IL12RB2: variants seen among roughly 807,000 people sequenced by gnomAD.
The protein encoded by IL12RB2 is interleukin-12 receptor subunit beta-2.
In IL12RB2, 82 loss-of-function variants were observed where a neutral mutation model predicts 89.4. That is an observed-to-expected ratio of 0.92 (90% CI 0.77 to 1.10). The LOEUF is 1.10. Among genes scored for constraint, IL12RB2 ranks in the 50% least tolerant of loss-of-function variants. The pLI, the probability that IL12RB2 is intolerant of heterozygous loss-of-function variation, is 0.00. For missense variants in IL12RB2, 963 were observed against 1,031.9 expected (o/e 0.93, Z 0.92); for synonymous variants, 368 against 370.1 (o/e 0.99, Z 0.07).
At chr1:67,374,076 A>T (rs17129911) in intron 13 of IL12RB2, among the ~76,000 whole-genome samples, 7,047 of 152,198 alleles carry the variant, frequency 0.046, 224 homozygotes, top group Admixed American at 0.07. Context: ...AAAACAATTG[A>T]TGCATGTACA....
intron 9 of IL12RB2, among the ~76,000 whole-genome samples, chr1:67,341,350 C>A (rs1659502332): frequency 6.6e-6 from 1 of 151,216 alleles, no homozygotes; most frequent in Non-Finnish European, 1.5e-5. Flanking sequence ...ACCCGGGAGG[C>A]AGAGGTTGCA....
intron 11 of IL12RB2, among the ~76,000 whole-genome samples, chr1:67,371,479 A>G (rs996294854): frequency 3.3e-5 from 5 of 151,254 alleles, no homozygotes; most frequent in African/African-American, 1.2e-4. Context: ...ACCTATCGGC[A>G]GGGCATTAAT....
At chr1:67,341,491 G>GAGAAAGAGAAAGAAAGAGAAAA (rs143813418) in intron 9 of IL12RB2, among the ~76,000 whole-genome samples, 1 of 39,836 alleles carries the variant, frequency 2.5e-5, no homozygotes, top group Admixed American at 3.3e-4. Flanking sequence ...AGAGAAAATA[G>GAGAAAGAGAAAGAAAGAGAAAA]AGAAAGAGAA....
In IL12RB2 at chr1:67,338,628, T is replaced by A; in HGVS notation, c.963T>A (p.Pro321=). 1 of 1,453,072 alleles carries A rather than the reference T, an allele frequency of 6.9e-7. No homozygotes were observed. Among genetic ancestry groups the A allele is most frequent in the East Asian group, 2.3e-5 (1 of 44,182 alleles). The allele number at this position is 1,453,072 out of a possible 1,614,324, so 90.0% of individuals were successfully genotyped here. A position where few individuals can be genotyped will look rare whatever the true frequency, so the allele number is the denominator to read the frequency against. The change falls in exon 9 of 17, where the codon CCT becomes CCA. Residue 321 remains proline, a synonymous_variant. Coordinates refer to ENST00000674203, the MANE Select transcript of IL12RB2 (RefSeq NM_001374259.2). ...SLRAQTPEEE[P]TGMLDVWYMK... is the part of the protein sequence containing the mutation. ...TTTTTTTCTCCTTTGAAACAGAGCC[T>A]ACTGGGATGTTAGATGTCTGGTACA...
intron 8 of IL12RB2, among the ~76,000 whole-genome samples, chr1:67,336,098 T>C (rs1387837601): frequency 2.0e-5 from 3 of 152,224 alleles, no homozygotes; most frequent in Non-Finnish European, 4.4e-5. Context: ...TTCCAAACCC[T>C]GATTTTACAA....
intron 10 of IL12RB2, among the ~76,000 whole-genome samples, chr1:67,360,054 C>T (rs1256463208): frequency 6.6e-6 from 1 of 152,056 alleles, no homozygotes; most frequent in Non-Finnish European, 1.5e-5. Context: ...TTAAAATCTC[C>T]ACTGGGGATC....
At chr1:67,364,658 AC>A (rs1304210273) in intron 10 of IL12RB2, among the ~76,000 whole-genome samples, 1 of 152,214 alleles carries the variant, frequency 6.6e-6, no homozygotes, top group Non-Finnish European at 1.5e-5. Flanking sequence ...AACCAATAGA[AC>A]TGCAAAGAGA....
At chr1:67,332,793 A>G (rs977534350) in intron 8 of IL12RB2, among the ~76,000 whole-genome samples, 1 of 152,208 alleles carries the variant, frequency 6.6e-6, no homozygotes, top group Non-Finnish European at 1.5e-5. Flanking sequence ...AAGTTATATC[A>G]CATTAAGCTA....
Position 67,397,758 on chromosome 1 carries a change from T to G in IL12RB2, c.*1669T>G, listed in dbSNP as rs1301889324. Among the ~76,000 whole-genome samples the G allele has an allele frequency of 6.6e-6, 1 of 152,220 alleles. No homozygotes were observed. Among genetic ancestry groups the G allele is most frequent in the East Asian group, 1.9e-4 (1 of 5,200 alleles). On this transcript the variant is annotated 3_prime_UTR_variant, in exon 17 of 17. Transcript: ENST00000674203. ...CTTTTTCTTAAATTCCTGTCAAGCC[T>G]GGGGTCCACCCCGTACCCCTTCCCA...
intron 10 of IL12RB2, among the ~76,000 whole-genome samples, chr1:67,358,375 A>G (rs1477055036): frequency 3.3e-5 from 5 of 152,246 alleles, no homozygotes; most frequent in African/African-American, 9.6e-5. Flanking sequence ...CAGGAGTTTG[A>G]GACCAGCTTG....
At chr1:67,395,502 TCA>T in intron 16 of IL12RB2, 43 bp from the exon 17 acceptor site, 2 of 1,613,908 alleles carry the variant, frequency 1.2e-6, no homozygotes, top group Non-Finnish European at 1.7e-6. Context: ...GTTGTGAAGG[TCA>T]CTTCTACAGC....
At chr1:67,394,714 T>C (rs1557485614) in intron 16 of IL12RB2, among the ~76,000 whole-genome samples, 1 of 152,214 alleles carries the variant, frequency 6.6e-6, no homozygotes, top group Non-Finnish European at 1.5e-5. Flanking sequence ...CTCCTATTTC[T>C]GAAGCCTCGG....
intron 2 of IL12RB2, among the ~76,000 whole-genome samples, chr1:67,319,651 TAA>T (rs1205206830): frequency 4.6e-5 from 7 of 152,186 alleles, no homozygotes; most frequent in Non-Finnish European, 1.0e-4. Flanking sequence ...TGTGTGGGAC[TAA>T]GTCTCAGACA....
At chr1:67,309,881 T>G (rs1654783551) in intron 1 of IL12RB2, among the ~76,000 whole-genome samples, 2 of 152,090 alleles carry the variant, frequency 1.3e-5, no homozygotes, top group Admixed American at 6.6e-5. Context: ...TACAAATAAA[T>G]TTGTGCAGAA....
chr1:67,354,002 C>T (rs773018964), intron 10 of IL12RB2, among the ~76,000 whole-genome samples: 1 of 152,192 alleles, frequency 6.6e-6, no homozygotes, highest in South Asian at 2.1e-4. Flanking sequence ...TGAGCATACA[C>T]TATATAAGGC....
intron 14 of IL12RB2, among the ~76,000 whole-genome samples, chr1:67,384,121 C>T (rs1054274149): frequency 7.2e-5 from 11 of 152,228 alleles, no homozygotes; most frequent in African/African-American, 2.2e-4. Flanking sequence ...GGGGCTTGCA[C>T]CCCACATTTC....
rs1228963139 is a variant in IL12RB2 at position 67,380,042 on chromosome 1, G to A, written c.1774G>A (p.Val592Met). The change falls in exon 14 of 17, where the codon GTG (valine) becomes ATG (methionine). Residue 592 changes from valine (V) to methionine (M), a missense_variant. Transcript: ENST00000674203. ...TCCAATAAACAGCCTGCAGCCCCGAGTGACATATGTCCTGTGGATGACAGC... is the reference window on the plus strand; with the variant it reads ...TCCAATAAACAGCCTGCAGCCCCGAATGACATATGTCCTGTGGATGACAGC... ...SHPINSLQPR[V>M]TYVLWMTALT... is the part of the protein sequence containing the mutation. 3 of 1,613,210 alleles carry A rather than the reference G, an allele frequency of 1.9e-6. No homozygotes were observed. The highest frequency in any genetic ancestry group is 1.3e-5 in the African/African-American group (1 of 74,894).
chr1:67,374,111 A>G lies in IL12RB2; in HGVS notation c.1717+1328A>G, dbSNP rs17129912. On this transcript the variant is annotated intron_variant, in intron 13 of 16. Coordinates refer to ENST00000674203, the MANE Select transcript of IL12RB2 (RefSeq NM_001374259.2). Reference sequence around the variant, plus strand: ...AAGAATATAGTTGAGATCTTTTTCAACATTCTGATCTACACCTTGCTTTTA... The same window carrying G: ...AAGAATATAGTTGAGATCTTTTTCAGCATTCTGATCTACACCTTGCTTTTA... Among the ~76,000 whole-genome samples, 593 of 140,656 alleles carry G rather than the reference A, an allele frequency of 4.2e-3. 2 individuals are homozygous for G. The highest frequency in any genetic ancestry group is 0.015 in the African/African-American group (577 of 37,826). The allele number at this position is 140,656 out of a possible 152,430, so 92.3% of individuals were successfully genotyped here.
At chr1:67,347,006 C>T (rs1402375482) in intron 9 of IL12RB2, among the ~76,000 whole-genome samples, 1 of 152,120 alleles carries the variant, frequency 6.6e-6, no homozygotes, top group Non-Finnish European at 1.5e-5. Context: ...AAACAGTTTA[C>T]CTCCCTTAAC....
Sources: gnomAD v4.1 joint callset for allele counts (sites outside exome capture counted in the v4.1 genomes callset) on GRCh38, gnomAD v4.1.1 for gene constraint, MANE v1.5 for transcripts, NCBI Gene and HGNC (gene_info 2026-07-23, HGNC 2026-07-21) for gene names.